DRC2: variants seen among roughly 807,000 people sequenced by gnomAD.
DRC2 encodes the protein dynein regulatory complex subunit 2.
the DRC2 span, chr12:48,904,181 C>G: frequency 1.1e-6 from 1 of 917,600 alleles, no homozygotes; most frequent in African/African-American, 1.7e-5. Flanking sequence ...AGCCGGGGAT[C>G]TCTCCTGTTC....
At chr12:48,904,441 G>T in the DRC2 span, 1 of 1,613,992 alleles carries the variant, frequency 6.2e-7, no homozygotes, top group Non-Finnish European at 8.5e-7. Flanking sequence ...CCAAAAAGAA[G>T]GAGAGGCTCC....
At chr12:48,905,143 T>C in the DRC2 span, 8 of 1,558,844 alleles carry the variant, frequency 5.1e-6, no homozygotes, top group Admixed American at 1.4e-4. Context: ...AAACCTTGAG[T>C]ATGGCTTCCT....
At chr12:48,908,255 G>A in the DRC2 span, among the ~76,000 whole-genome samples, 2 of 151,954 alleles carry the variant, frequency 1.3e-5, no homozygotes, top group Admixed American at 1.3e-4. Context: ...GTCTCGTTAT[G>A]TTGCCCATGC....
chr12:48,915,852 T>C, the DRC2 span, among the ~76,000 whole-genome samples: 3 of 149,606 alleles, frequency 2.0e-5, no homozygotes, highest in South Asian at 6.4e-4. Flanking sequence ...ACGGGGCAGC[T>C]GCCGGGCGGA....
chr12:48,917,580 CT>C, the DRC2 span, among the ~76,000 whole-genome samples: 1 of 152,116 alleles, frequency 6.6e-6, no homozygotes, highest in South Asian at 2.1e-4. Flanking sequence ...ATCCCTAATG[CT>C]TTTTGTAATT....
chr12:48,916,990 A>G, the DRC2 span: 1 of 1,614,066 alleles, frequency 6.2e-7, no homozygotes, highest in African/African-American at 1.3e-5. Flanking sequence ...ATTGACCAAC[A>G]TGAGAAAGAG....
At chr12:48,904,868 C>A in the DRC2 span, 1 of 1,261,402 alleles carries the variant, frequency 7.9e-7, no homozygotes, top group Non-Finnish European at 1.1e-6. Context: ...AAGGTGTCAG[C>A]TGATAAATTA....
chr12:48,912,192 A>G, the DRC2 span, among the ~76,000 whole-genome samples: 1 of 151,760 alleles, frequency 6.6e-6, no homozygotes, highest in East Asian at 1.9e-4. Context: ...ACCTGTGGGG[A>G]GGAGGTTGCA....
the DRC2 span, chr12:48,904,408 G>T: frequency 2.0e-4 from 317 of 1,614,028 alleles, no homozygotes; most frequent in Non-Finnish European, 2.2e-4. Flanking sequence ...TTCAGCAGAA[G>T]TTGCTGGCAG....
the DRC2 span, among the ~76,000 whole-genome samples, chr12:48,908,433 TA>T: frequency 2.0e-5 from 3 of 152,126 alleles, no homozygotes; most frequent in Middle Eastern, 3.4e-3. Context: ...TTTTCAAAGC[TA>T]TACCCTGCTG....
chr12:48,904,280 T>C, the DRC2 span: 1 of 1,577,520 alleles, frequency 6.3e-7, no homozygotes, highest in Admixed American at 1.9e-5. Flanking sequence ...TTCTAAGCTC[T>C]GTAACGCGGG....
At chr12:48,904,842 C>T in the DRC2 span, 1 of 969,144 alleles carries the variant, frequency 1.0e-6, no homozygotes, top group Non-Finnish European at 1.5e-6. Flanking sequence ...TCAGGCCGTT[C>T]CCATCGAAAA....
the DRC2 span, chr12:48,918,585 A>G: frequency 1.3e-6 from 2 of 1,484,262 alleles, no homozygotes; most frequent in Non-Finnish European, 1.8e-6. Context: ...GGAAAAGATG[A>G]TATGCTCTGA....
chr12:48,920,466 A>AAAAAAAG, the DRC2 span, among the ~76,000 whole-genome samples: 3 of 148,002 alleles, frequency 2.0e-5, no homozygotes, highest in Non-Finnish European at 4.5e-5. Flanking sequence ...AAAAAAAAAA[A>AAAAAAAG]AGAATGAGAG....
At chr12:48,921,160 ACTCCCAGG>A in the DRC2 span, 1 of 1,613,212 alleles carries the variant, frequency 6.2e-7, no homozygotes, top group Non-Finnish European at 8.5e-7. Context: ...CTGTAACTCC[ACTCCCAGG>A]TGATGGTGGA....
chr12:48,918,891 G>C, the DRC2 span: 1 of 1,612,592 alleles, frequency 6.2e-7, no homozygotes, highest in Non-Finnish European at 8.5e-7. Context: ...CCCTGAGAAA[G>C]ATTGTTGATA....
At chr12:48,908,596 TTA>T in the DRC2 span, among the ~76,000 whole-genome samples, 59 of 121,880 alleles carry the variant, frequency 4.8e-4, no homozygotes, top group East Asian at 1.6e-3. Context: ...ATTATTATTA[TTA>T]TTATTATTAT....
the DRC2 span, among the ~76,000 whole-genome samples, chr12:48,910,467 A>G: frequency 1.1e-4 from 17 of 152,140 alleles, no homozygotes; most frequent in African/African-American, 3.9e-4. Context: ...TGTAGAGGTC[A>G]TGGTAGTTTA....
At chr12:48,920,064 G>A in the DRC2 span, among the ~76,000 whole-genome samples, 1 of 132,590 alleles carries the variant, frequency 7.5e-6, no homozygotes. Flanking sequence ...AGTGAGCCAG[G>A]ATTGCACCAC....
Sources: gnomAD v4.1 joint callset for allele counts (sites outside exome capture counted in the v4.1 genomes callset) on GRCh38, gnomAD v4.1.1 for gene constraint, MANE v1.5 for transcripts, NCBI Gene and HGNC (gene_info 2026-07-23, HGNC 2026-07-21) for gene names.